The following C21orf91 variants were observed in gnomAD, a reference collection of about 807,000 sequenced individuals.
The protein encoded by C21orf91 is chromosome 21 open reading frame 91.
Under a neutral mutation model 32.9 loss-of-function variants are expected in C21orf91, and 26 were observed. The observed-to-expected ratio is 0.79, with a 90% confidence interval of 0.58 to 1.10. C21orf91 has a LOEUF of 1.10. Ranked by LOEUF, C21orf91 falls within the 50% of genes least tolerant of loss-of-function variation. C21orf91 has a pLI of 0.00. For synonymous variants in C21orf91, 126 were observed against 120.4 expected (o/e 1.05, Z -0.31); for missense variants, 310 against 341.3 (o/e 0.91, Z 0.72).
rs767432023 is a variant in C21orf91 at position 17,796,943 on chromosome 21, T to C, written c.303A>G (p.Ala101=). 7 of 1,613,528 alleles carry C rather than the reference T, an allele frequency of 4.3e-6. No individual in the cohort carries two copies. The East Asian group carries it at 1.6e-4, about 36-fold the overall frequency. Residue 101 remains alanine (A), a synonymous_variant, in exon 3 of 5, where the codon GCA becomes GCG. Coordinates refer to ENST00000284881, the MANE Select transcript of C21orf91 (RefSeq NM_001100420.2). The part of the protein sequence containing the change: ...SKKINWIVQY[A]QNKDLDSDSE... The stretch of plus-strand genomic sequence containing the variant: ...AATCTGAATCCAGATCCTTATTTTG[T>C]GCATACTGCACAATCCAGTTTATCT...
At chr21:17,797,979 T>G (rs1208135096) in intron 2 of C21orf91, among the ~76,000 whole-genome samples, 2 of 152,102 alleles carry the variant, frequency 1.3e-5, no homozygotes, top group Non-Finnish European at 2.9e-5. Context: ...AAATACAGAA[T>G]ATATTCACAC....
intron 2 of C21orf91, among the ~76,000 whole-genome samples, chr21:17,807,085 CTAT>C (rs2062601292): frequency 6.6e-6 from 1 of 152,156 alleles, no homozygotes; most frequent in African/African-American, 2.4e-5. Context: ...TATATTTTAT[CTAT>C]ACTGTATTTA....
intron 2 of C21orf91, chr21:17,810,973 G>A (rs1046207442): frequency 7.2e-5 from 11 of 152,148 alleles, no homozygotes; most frequent in Non-Finnish European, 1.2e-4. Flanking sequence ...ATTAAATATC[G>A]TGAGTAGAAA....
rs541439376 is a variant in C21orf91 at position 17,806,048 on chromosome 21, T to C, written c.128-8930A>G. Among the ~76,000 whole-genome samples the C allele has an allele frequency of 4.7e-4, 71 of 152,300 alleles. 1 individual carries two copies. The highest frequency in any genetic ancestry group is 6.8e-3 in the Middle Eastern group (2 of 294). On this transcript the variant is annotated intron_variant, in intron 2 of 4. Coordinates refer to ENST00000284881, the MANE Select transcript of C21orf91 (RefSeq NM_001100420.2). ...AGCCTTAAAAATGCCTTCATAATAA[T>C]AACCAGATGAATGAGGGCACACTAT...
At chr21:17,795,314 A>C in intron 3 of C21orf91, 44 bp from the exon 4 acceptor site, 1 of 1,276,994 alleles carries the variant, frequency 7.8e-7, no homozygotes, top group South Asian at 1.2e-5. Context: ...ACAACCTAGG[A>C]AAACATGCTG....
chr21:17,812,012 G>A (rs562598810), intron 2 of C21orf91, among the ~76,000 whole-genome samples: 19 of 151,884 alleles, frequency 1.3e-4, no homozygotes, highest in Middle Eastern at 3.4e-3. Flanking sequence ...ACGCACCCTA[G>A]ACACCCTAAT....
chr21:17,793,254 T>C lies in C21orf91; in HGVS notation c.*161A>G, dbSNP rs951450002. The C allele has an allele frequency of 2.0e-6, 1 of 491,552 alleles. No homozygotes were observed. The highest frequency in any genetic ancestry group is 5.0e-5 in the South Asian group (1 of 20,052). 30.4% of individuals were successfully genotyped at this position (491,552 alleles called of 1,614,324 possible). On this transcript the variant is annotated 3_prime_UTR_variant, in exon 5 of 5. Transcript: ENST00000284881. ...TGATTAGCCCTAGAAGACTAGAGTA[T>C]AATGATCTGCTTTATTTGACAAAGA...
intron 2 of C21orf91, among the ~76,000 whole-genome samples, chr21:17,802,597 C>G (rs534561254): frequency 6.6e-6 from 1 of 152,152 alleles, no homozygotes; most frequent in Non-Finnish European, 1.5e-5. Flanking sequence ...AAAAACCCCA[C>G]GAATATCAAA....
At position 17,789,438 on chromosome 21, in the gene C21orf91, A is replaced by C. The variant is rs572833566; in HGVS notation, c.*3977T>G. Reference sequence around the variant, plus strand: ...CTTTGCTTTAGGTGTAGTTGAGGGAAGTTCAACTAATCTTTAAACCTTTTT... The same window carrying C: ...CTTTGCTTTAGGTGTAGTTGAGGGACGTTCAACTAATCTTTAAACCTTTTT... On this transcript the variant is annotated 3_prime_UTR_variant, in exon 5 of 5. Coordinates refer to ENST00000284881, the MANE Select transcript of C21orf91 (RefSeq NM_001100420.2). 1 of 152,306 alleles carries C rather than the reference A, an allele frequency of 6.6e-6. No individual in the cohort carries two copies. Among genetic ancestry groups the C allele is most frequent in the East Asian group, 1.9e-4 (1 of 5,186 alleles). 9.4% of individuals were successfully genotyped at this position (152,306 alleles called of 1,614,324 possible).
intron 2 of C21orf91, among the ~76,000 whole-genome samples, chr21:17,810,160 A>G (rs2062623048): frequency 6.6e-6 from 1 of 152,232 alleles, no homozygotes; most frequent in African/African-American, 2.4e-5. Context: ...CTTTGATTTC[A>G]ATCACTCATA....
rs1216384431 is a variant in C21orf91 at position 17,790,512 on chromosome 21, T to G, written c.*2903A>C. Reference sequence around the variant, plus strand: ...TGAAATCACTAACATGAACTTGACATTGAAAAAATAATCCTTAAATGTATA... The same window carrying G: ...TGAAATCACTAACATGAACTTGACAGTGAAAAAATAATCCTTAAATGTATA... On this transcript the variant is annotated 3_prime_UTR_variant, in exon 5 of 5. Transcript: ENST00000284881. 6.6e-6 allele frequency: 1 copy of G among 152,088 alleles called. No individual in the cohort carries two copies. The highest frequency in any genetic ancestry group is 1.5e-5 in the Non-Finnish European group (1 of 67,928). 9.4% of individuals were successfully genotyped at this position (152,088 alleles called of 1,614,324 possible). A position where few individuals can be genotyped will look rare whatever the true frequency, so the allele number is the denominator to read the frequency against.
At chr21:17,803,869 C>T (rs1213278072) in intron 2 of C21orf91, among the ~76,000 whole-genome samples, 1 of 152,172 alleles carries the variant, frequency 6.6e-6, no homozygotes, top group African/African-American at 2.4e-5. Flanking sequence ...GCTGGATCCA[C>T]ACTACAGGTA....
At chr21:17,795,374 C>T in intron 3 of C21orf91, 104 bp from the exon 4 acceptor site, 1 of 766,074 alleles carries the variant, frequency 1.3e-6, no homozygotes, top group Middle Eastern at 2.4e-4. Flanking sequence ...CACTTAACTG[C>T]CAACACAACA....
chr21:17,793,425 A>T lies in C21orf91; in HGVS notation c.884T>A (p.Ile295Lys). The change falls in exon 5 of 5, where the codon ATA becomes AAA. Residue 295 changes from isoleucine to lysine, a missense_variant. Coordinates refer to ENST00000284881, the MANE Select transcript of C21orf91 (RefSeq NM_001100420.2). Reference protein sequence around the residue: ...GRTGMKSHLPINN With the variant: ...GRTGMKSHLPKNN ...GTAAGTCTGTTTAGGTCAGTTGTTT[A>T]TGGGTAGGTGCGACTTCATTCCTGT... 1 of 1,607,020 alleles carries T rather than the reference A, an allele frequency of 6.2e-7. No homozygotes were observed. The highest frequency in any genetic ancestry group is 8.5e-7 in the Non-Finnish European group (1 of 1,175,280).
At chr21:17,800,611 C>T (rs557466332) in intron 2 of C21orf91, among the ~76,000 whole-genome samples, 28 of 152,278 alleles carry the variant, frequency 1.8e-4, no homozygotes, top group African/African-American at 6.5e-4. Flanking sequence ...TCCTAAGCAG[C>T]TTTTGAAAGG....
chr21:17,801,281 T>C (rs2062558084), intron 2 of C21orf91, among the ~76,000 whole-genome samples: 1 of 151,988 alleles, frequency 6.6e-6, no homozygotes, highest in African/African-American at 2.4e-5. Context: ...TATGTTTTTT[T>C]TTTTTTTTAG....
intron 2 of C21orf91, among the ~76,000 whole-genome samples, chr21:17,811,713 T>C (rs1440809337): frequency 1.3e-5 from 2 of 152,264 alleles, no homozygotes; most frequent in Non-Finnish European, 2.9e-5. Flanking sequence ...AACATTTCTT[T>C]TCATCTCTGT....
intron 2 of C21orf91, among the ~76,000 whole-genome samples, chr21:17,814,581 C>T (rs984391875): frequency 4.6e-5 from 7 of 152,266 alleles, no homozygotes; most frequent in Admixed American, 2.6e-4. Flanking sequence ...CCTCAGGGAA[C>T]TCACAATCAG....
chr21:17,817,334 A>G (rs900745424), intron 2 of C21orf91, among the ~76,000 whole-genome samples: 34 of 152,214 alleles, frequency 2.2e-4, no homozygotes, highest in African/African-American at 8.2e-4. Flanking sequence ...CATACTTAGT[A>G]AACAGAAAAT....
Sources: gnomAD v4.1 joint callset for allele counts (sites outside exome capture counted in the v4.1 genomes callset) on GRCh38, gnomAD v4.1.1 for gene constraint, MANE v1.5 for transcripts, NCBI Gene and HGNC (gene_info 2026-07-23, HGNC 2026-07-21) for gene names.